The following PTPRG variants were observed in gnomAD, a reference collection of about 807,000 sequenced individuals.
PTPRG encodes receptor-type tyrosine-protein phosphatase gamma.
Under a neutral mutation model 165.3 loss-of-function variants are expected in PTPRG, and 102 were observed. The observed-to-expected ratio is 0.62, with a 90% CI of 0.53 to 0.73. The LOEUF (loss-of-function observed/expected upper bound fraction) is 0.73, where lower values mean the gene tolerates loss of function less well. Ranked by LOEUF, PTPRG falls within the 30% of genes least tolerant of loss-of-function variation. The pLI, the probability that PTPRG is intolerant of heterozygous loss-of-function variation, is 0.00. For synonymous variants in PTPRG, 675 were observed against 669.5 expected (o/e 1.01, Z -0.13); for missense variants, 1,866 against 1,861.4 (o/e 1.00, Z -0.05).
intron 2 of PTPRG, among the ~76,000 whole-genome samples, chr3:61,903,497 C>T (rs2038554839): frequency 6.6e-6 from 1 of 152,130 alleles, no homozygotes; most frequent in Non-Finnish European, 1.5e-5. Flanking sequence ...TCTCAGCCTC[C>T]CAAGTAGTTG....
chr3:62,064,940 G>A (rs998983618), intron 4 of PTPRG, among the ~76,000 whole-genome samples: 2 of 151,938 alleles, frequency 1.3e-5, no homozygotes, highest in African/African-American at 4.8e-5. Flanking sequence ...CACCATGTTA[G>A]CCAGGATGGC....
At chr3:62,037,520 G>C (rs887428833) in intron 4 of PTPRG, among the ~76,000 whole-genome samples, 1 of 152,134 alleles carries the variant, frequency 6.6e-6, no homozygotes. Context: ...CCCTTGGGGG[G>C]GCAAAATCGT....
intron 2 of PTPRG, among the ~76,000 whole-genome samples, chr3:61,951,475 C>T (rs960348862): frequency 1.3e-5 from 2 of 152,124 alleles, no homozygotes; most frequent in African/African-American, 4.8e-5. Context: ...TTCAGGCAAC[C>T]TTTTAAAGAA....
chr3:61,661,529 G>A (rs9824069), intron 1 of PTPRG, among the ~76,000 whole-genome samples: 37 of 152,212 alleles, frequency 2.4e-4, no homozygotes, highest in African/African-American at 8.4e-4. Flanking sequence ...CATCTTTAGT[G>A]AATGACTGTA....
At chr3:61,794,657 A>G (rs981163750) in intron 2 of PTPRG, among the ~76,000 whole-genome samples, 1 of 152,244 alleles carries the variant, frequency 6.6e-6, no homozygotes. Context: ...AAAACATGGA[A>G]CATTCCCTTA....
intron 2 of PTPRG, among the ~76,000 whole-genome samples, chr3:61,830,560 G>GTTTTTT (rs1220550805): frequency 1.1e-5 from 1 of 90,100 alleles, no homozygotes; most frequent in African/African-American, 4.2e-5. Context: ...GGTTCTTTTT[G>GTTTTTT]TTTTTGTTTT....
At chr3:61,571,682 C>T (rs2106774319) in intron 1 of PTPRG, among the ~76,000 whole-genome samples, 1 of 152,144 alleles carries the variant, frequency 6.6e-6, no homozygotes, top group South Asian at 2.1e-4. Flanking sequence ...AATTGATTTG[C>T]TTTGTAATTT....
intron 5 of PTPRG, 34 bp from the exon 6 acceptor site, chr3:62,132,568 T>C (rs1267517327): frequency 1.3e-6 from 2 of 1,518,892 alleles, no homozygotes; most frequent in South Asian, 1.1e-5. Context: ...GATGCCAGAA[T>C]AGATTTAACC....
At chr3:62,101,856 C>T (rs1459770695) in intron 5 of PTPRG, among the ~76,000 whole-genome samples, 1 of 152,170 alleles carries the variant, frequency 6.6e-6, no homozygotes, top group Admixed American at 6.5e-5. Flanking sequence ...TACCAATTTG[C>T]ACTCCCATCA....
At chr3:62,211,999 A>C (rs1344281924) in intron 12 of PTPRG, among the ~76,000 whole-genome samples, 1 of 151,224 alleles carries the variant, frequency 6.6e-6, no homozygotes, top group African/African-American at 2.4e-5. Context: ...GAATGGAGGC[A>C]CTTTACTCAG....
At chr3:61,635,569 G>A (rs920852103) in intron 1 of PTPRG, among the ~76,000 whole-genome samples, 1 of 151,820 alleles carries the variant, frequency 6.6e-6, no homozygotes, top group Non-Finnish European at 1.5e-5. Flanking sequence ...TGTTACCTAG[G>A]CTGGTTTCAA....
At chr3:61,743,927 C>T (rs965926743) in intron 1 of PTPRG, among the ~76,000 whole-genome samples, 1 of 152,160 alleles carries the variant, frequency 6.6e-6, no homozygotes, top group African/African-American at 2.4e-5. Flanking sequence ...TCCGTAAAGG[C>T]ATTCATTTGC....
chr3:61,703,407 G>A lies in PTPRG; in HGVS notation c.86-45471G>A, dbSNP rs143628465. On this transcript the variant is annotated intron_variant, in intron 1 of 29. Transcript: ENST00000474889. ...TAAGATTGGTTTTGAGAGAGTAGCT[G>A]TGTCAACTAGGCTGACATTTTTTCT... Among the ~76,000 whole-genome samples, 76 of 152,312 alleles carry A rather than the reference G, an allele frequency of 5.0e-4. 4 individuals carry two copies. In the East Asian group the frequency reaches 0.014, roughly 29 times the overall value.
intron 15 of PTPRG, among the ~76,000 whole-genome samples, chr3:62,247,374 C>G (rs577268734): frequency 6.6e-6 from 1 of 152,236 alleles, no homozygotes; most frequent in East Asian, 1.9e-4. Flanking sequence ...GATATTGATT[C>G]ATTAAATCAA....
chr3:62,033,390 G>A (rs1214396740), intron 4 of PTPRG, among the ~76,000 whole-genome samples: 1 of 143,678 alleles, frequency 7.0e-6, no homozygotes, highest in African/African-American at 2.6e-5. Context: ...TTGAGACAGG[G>A]TCTCACTCTG....
At chr3:61,881,938 C>G (rs1245286134) in intron 2 of PTPRG, among the ~76,000 whole-genome samples, 2 of 152,180 alleles carry the variant, frequency 1.3e-5, no homozygotes, top group Non-Finnish European at 2.9e-5. Flanking sequence ...TCTTTCAGTT[C>G]CAGTCATCAT....
intron 1 of PTPRG, among the ~76,000 whole-genome samples, chr3:61,719,961 T>C (rs2031979438): frequency 6.6e-6 from 1 of 152,222 alleles, no homozygotes; most frequent in South Asian, 2.1e-4. Context: ...TGCTGGCCGC[T>C]CTTGCTCACT....
chr3:61,812,155 T>C (rs1340977405), intron 2 of PTPRG, among the ~76,000 whole-genome samples: 1 of 152,152 alleles, frequency 6.6e-6, no homozygotes, highest in East Asian at 1.9e-4. Context: ...GCATTCTTAC[T>C]GCAAATAACA....
At chr3:61,563,496 C>A (rs1699822568) in intron 1 of PTPRG, among the ~76,000 whole-genome samples, 1 of 152,110 alleles carries the variant, frequency 6.6e-6, no homozygotes, top group African/African-American at 2.4e-5. Flanking sequence ...CGTAGCTGTC[C>A]CTTGGGGTGG....
Sources: allele counts gnomAD v4.1 joint callset (sites outside exome capture counted in the v4.1 genomes callset), GRCh38; gene constraint gnomAD v4.1.1; transcripts MANE v1.5; gene names NCBI Gene and HGNC (gene_info 2026-07-23, HGNC 2026-07-21).